Variants in GALNT2 observed in about 807,000 individuals in gnomAD.
GALNT2 encodes polypeptide N-acetylgalactosaminyltransferase 2.
Under a neutral mutation model 81.4 loss-of-function variants are expected in GALNT2, and 31 were observed. That is an observed-to-expected ratio of 0.38 (90% confidence interval 0.29 to 0.51). The LOEUF is 0.51. Ranked by LOEUF, GALNT2 falls within the 20% of genes least tolerant of loss-of-function variation. The pLI is 0.87. For missense variants in GALNT2, 629 were observed against 765.7 expected (o/e 0.82, Z 2.11); for synonymous variants, 303 against 287.4 (o/e 1.05, Z -0.55).
chr1:230,128,009 CTGAA>C (rs5781571), intron 1 of GALNT2, among the ~76,000 whole-genome samples: 44,618 of 151,974 alleles, frequency 0.29, 6,784 homozygotes, highest in African/African-American at 0.39. Context: ...CAGGCACAGA[CTGAA>C]TGGGATGATT....
chr1:230,201,698 C>G (rs1663897274), intron 2 of GALNT2, among the ~76,000 whole-genome samples: 1 of 152,200 alleles, frequency 6.6e-6, no homozygotes, highest in South Asian at 2.1e-4. Context: ...CCAACCTTGG[C>G]TCTGACGGCC....
At chr1:230,209,072 TTTG>T (rs990444789) in intron 3 of GALNT2, among the ~76,000 whole-genome samples, 15 of 152,114 alleles carry the variant, frequency 9.9e-5, no homozygotes, top group Non-Finnish European at 8.8e-5. Context: ...AAGTTGTTTT[TTTG>T]TTTTTTCTGT....
chr1:230,169,060 T>G (rs1190412935), intron 1 of GALNT2, among the ~76,000 whole-genome samples: 1 of 152,176 alleles, frequency 6.6e-6, no homozygotes, highest in African/African-American at 2.4e-5. Flanking sequence ...TTGTTTGATG[T>G]TTTTTCTCAT....
intron 3 of GALNT2, among the ~76,000 whole-genome samples, chr1:230,221,802 T>G (rs1664554349): frequency 6.6e-6 from 1 of 152,180 alleles, no homozygotes; most frequent in Non-Finnish European, 1.5e-5. Context: ...TTTACTTGAA[T>G]TAATTTGATT....
At chr1:230,145,248 G>C (rs1446784624) in intron 1 of GALNT2, among the ~76,000 whole-genome samples, 1 of 152,100 alleles carries the variant, frequency 6.6e-6, no homozygotes, top group African/African-American at 2.4e-5. Flanking sequence ...TTCCAGTGCA[G>C]ACTGGCCGAA....
chr1:230,195,994 CT>C (rs1663684269), intron 2 of GALNT2, among the ~76,000 whole-genome samples: 1 of 152,222 alleles, frequency 6.6e-6, no homozygotes, highest in Non-Finnish European at 1.5e-5. Context: ...AGCCTCCTCA[CT>C]TTCGTCTCCT....
At chr1:230,251,048 G>T (rs1665531552) in intron 10 of GALNT2, among the ~76,000 whole-genome samples, 1 of 152,058 alleles carries the variant, frequency 6.6e-6, no homozygotes, top group African/African-American at 2.4e-5. Context: ...CTGTTTGTTT[G>T]TTTTTTTGTT....
At chr1:230,269,357 T>G (rs1485541227) in intron 14 of GALNT2, among the ~76,000 whole-genome samples, 1 of 152,026 alleles carries the variant, frequency 6.6e-6, no homozygotes, top group Non-Finnish European at 1.5e-5. Flanking sequence ...GGCTAATTTT[T>G]GTATGTTTAG....
At chr1:230,161,628 C>CT (rs1377959456) in intron 1 of GALNT2, among the ~76,000 whole-genome samples, 3 of 152,168 alleles carry the variant, frequency 2.0e-5, no homozygotes, top group African/African-American at 7.2e-5. Context: ...GGAGCACAGG[C>CT]TTCAAAGTCC....
At chr1:230,194,444 T>C (rs1027092495) in intron 2 of GALNT2, among the ~76,000 whole-genome samples, 1 of 152,162 alleles carries the variant, frequency 6.6e-6, no homozygotes, top group Admixed American at 6.5e-5. Flanking sequence ...CTGCTCTGTC[T>C]CTCCAGGTCC....
chr1:230,187,417 C>T (rs1051211797), intron 2 of GALNT2, among the ~76,000 whole-genome samples: 4 of 152,236 alleles, frequency 2.6e-5, no homozygotes, highest in Non-Finnish European at 5.9e-5. Flanking sequence ...GAGCAGCATG[C>T]AGGTGAGTGG....
chr1:230,187,173 C>A (rs1051608066), intron 2 of GALNT2, among the ~76,000 whole-genome samples: 5 of 152,190 alleles, frequency 3.3e-5, no homozygotes, highest in Admixed American at 1.3e-4. Context: ...GGAGCCAGAT[C>A]TAACAGGGCA....
rs1323649087 is a variant in GALNT2, at chr1:230,236,352, G to A, written c.474-1G>A. On this transcript the variant is annotated splice_acceptor_variant, in intron 4 of 15. Coordinates refer to ENST00000366672, the MANE Select transcript of GALNT2 (RefSeq NM_004481.5). LOFTEE classifies it high-confidence loss of function. ...AACTTTATCTTCTTGTCTTTTCTTA[G>A]CGTGCTTAAGAAAAGCCCGCCCCAT... 6.2e-7 allele frequency: 1 copy of A among 1,613,526 alleles called. No homozygotes were observed. Among genetic ancestry groups the A allele is most frequent in the South Asian group, 1.1e-5 (1 of 91,038 alleles).
chr1:230,164,774 C>T (rs889328695), intron 1 of GALNT2, among the ~76,000 whole-genome samples: 2 of 152,152 alleles, frequency 1.3e-5, no homozygotes, highest in African/African-American at 2.4e-5. Context: ...TTGTGATCCA[C>T]CTGCCTAGGC....
intron 1 of GALNT2, among the ~76,000 whole-genome samples, chr1:230,136,341 ATCC>A (rs1484318908): frequency 6.6e-6 from 1 of 152,170 alleles, no homozygotes; most frequent in Non-Finnish European, 1.5e-5. Flanking sequence ...GGCACCAGCC[ATCC>A]TCTGATAACC....
At chr1:230,165,355 C>T (rs1011426804) in intron 1 of GALNT2, among the ~76,000 whole-genome samples, 1 of 152,168 alleles carries the variant, frequency 6.6e-6, no homozygotes, top group Non-Finnish European at 1.5e-5. Flanking sequence ...TTTGAAGGGG[C>T]TGTTAACAGA....
chr1:230,249,042 C>T (rs1665460759), intron 8 of GALNT2, 142 bp from the exon 9 acceptor site: 2 of 777,126 alleles, frequency 2.6e-6, no homozygotes, highest in Non-Finnish European at 2.1e-6. Flanking sequence ...TCTCTCTCCT[C>T]CACACCTTCT....
chr1:230,139,228 T>C (rs977446016), intron 1 of GALNT2, among the ~76,000 whole-genome samples: 6 of 152,216 alleles, frequency 3.9e-5, no homozygotes, highest in African/African-American at 1.4e-4. Flanking sequence ...ATTTCAGAGA[T>C]TTATATTTAA....
chr1:230,115,971 C>T (rs1347734320), intron 1 of GALNT2, among the ~76,000 whole-genome samples: 1 of 152,226 alleles, frequency 6.6e-6, no homozygotes, highest in African/African-American at 2.4e-5. Flanking sequence ...CTGTCGTCTC[C>T]ACTTCTAGTT....
Sources: gnomAD v4.1 joint callset for allele counts (sites outside exome capture counted in the v4.1 genomes callset) on GRCh38, gnomAD v4.1.1 for gene constraint, MANE v1.5 for transcripts, NCBI Gene and HGNC (gene_info 2026-07-23, HGNC 2026-07-21) for gene names.